CCR3: variants seen among roughly 807,000 people sequenced by gnomAD.
The protein encoded by CCR3 is C-C chemokine receptor type 3.
For synonymous variants in CCR3, 203 were observed against 179.2 expected, an observed-to-expected ratio of 1.13 and a Z score of -1.06; for missense variants, 419 against 437.5, an observed-to-expected ratio of 0.96 and a Z score of 0.38.
rs1043285757 is a variant in CCR3, at chr3:46,265,516, G to A, written c.358G>A (p.Glu120Lys). 2.5e-6 allele frequency: 4 copies of A among 1,614,002 alleles called. No individual in the cohort carries two copies. The highest frequency in any genetic ancestry group is 1.3e-5 in the African/African-American group (1 of 74,906). ...GTTTTATCACACAGGCTTGTACAGCGAGATCTTTTTCATAATCCTGCTGAC... is the reference window on the plus strand; with the variant it reads ...GTTTTATCACACAGGCTTGTACAGCAAGATCTTTTTCATAATCCTGCTGAC... ...SGFYHTGLYS[E>K]IFFIILLTID... Residue 120 changes from glutamate (E) to lysine (K), a missense_variant, in exon 2 of 2, where the codon GAG becomes AAG. Coordinates refer to ENST00000395940, the MANE Select transcript of CCR3 (RefSeq NM_178329.3).
chr3:46,212,883 A>T (rs1028911124), intron 2 of CCR3, among the ~76,000 whole-genome samples: 1 of 152,178 alleles, frequency 6.6e-6, no homozygotes, highest in Non-Finnish European at 1.5e-5. Context: ...TGAAAGACTG[A>T]CGTAGCACCT....
chr3:46,245,466 T>TA (rs572869147), intron 1 of CCR3, among the ~76,000 whole-genome samples: 14,230 of 141,140 alleles, frequency 0.1, 913 homozygotes, highest in Non-Finnish European at 0.15. Flanking sequence ...ACCCTTTAAT[T>TA]AAAAAAAAAA....
At position 46,266,261 on chromosome 3, in the gene CCR3, C is replaced by A. The variant is rs773365222; in HGVS notation, c.*35C>A. ...AGAAAATTGCCTAAAGAGGAAGGAC[C>A]AAGGAGATGAAGCAAACACATTAAG... On this transcript the variant is annotated 3_prime_UTR_variant, in exon 2 of 2. Coordinates refer to ENST00000395940, the MANE Select transcript of CCR3 (RefSeq NM_178329.3). The A allele has an allele frequency of 1.6e-5, 22 of 1,400,204 alleles. No homozygotes were observed. Among genetic ancestry groups the A allele is most frequent in the Middle Eastern group, 3.6e-4 (2 of 5,556 alleles). 86.7% of individuals were successfully genotyped at this position (1,400,204 alleles called of 1,614,324 possible).
At chr3:46,227,880 C>T (rs1699920221) in intron 2 of CCR3, among the ~76,000 whole-genome samples, 1 of 151,590 alleles carries the variant, frequency 6.6e-6, no homozygotes. Context: ...GGCTTGAGAA[C>T]ATACTTGGCA....
chr3:46,244,291 A>G (rs1700150458), intron 1 of CCR3, among the ~76,000 whole-genome samples: 1 of 152,222 alleles, frequency 6.6e-6, no homozygotes, highest in Non-Finnish European at 1.5e-5. Context: ...TTTTTAAGTA[A>G]TTTTTAGCCA....
In CCR3 at chr3:46,266,032, TC is replaced by T; in HGVS notation, c.877del (p.His293ThrfsTer4). ...GCTGGTGACAGAGGTGATCGCCTACTCCCACTGCTGCATGAACCCGGTGATC... is the reference window on the plus strand; with the variant it reads ...GCTGGTGACAGAGGTGATCGCCTACTCCACTGCTGCATGAACCCGGTGATC... ...VMLVTEVIAY[S>X]HCCMNPVIYA... On this transcript the variant is annotated frameshift_variant, in exon 2 of 2. Transcript: ENST00000395940. LOFTEE classifies it low-confidence loss of function (END_TRUNC). The T allele has an allele frequency of 6.2e-7, 1 of 1,614,064 alleles. No individual in the cohort carries two copies. The highest frequency in any genetic ancestry group is 1.1e-5 in the South Asian group (1 of 91,082).
upstream of CCR3, among the ~76,000 whole-genome samples, chr3:46,240,562 A>C (rs1490777518): frequency 1.3e-5 from 2 of 152,194 alleles, no homozygotes; most frequent in Non-Finnish European, 2.9e-5. Context: ...TAAACCCTGT[A>C]GAACTTGCAT....
chr3:46,257,259 C>G (rs554712751), intron 1 of CCR3, among the ~76,000 whole-genome samples: 2 of 152,056 alleles, frequency 1.3e-5, no homozygotes, highest in African/African-American at 4.8e-5. Context: ...TTTGGAGAGT[C>G]GTTGTTGTCT....
intron 1 of CCR3, among the ~76,000 whole-genome samples, chr3:46,251,026 T>C (rs957714028): frequency 2.6e-5 from 4 of 151,460 alleles, no homozygotes; most frequent in Non-Finnish European, 5.9e-5. Context: ...AAGTGGGACT[T>C]GCCACTAAGA....
intron 1 of CCR3, among the ~76,000 whole-genome samples, chr3:46,252,169 C>CTT (rs58623050): frequency 0.061 from 5,331 of 86,796 alleles, 302 homozygotes; most frequent in South Asian, 0.13. Flanking sequence ...TAGTTTCTGT[C>CTT]TTTTTTTTTT....
intron 2 of CCR3, among the ~76,000 whole-genome samples, chr3:46,231,814 T>C: frequency 6.6e-6 from 1 of 152,186 alleles, no homozygotes; most frequent in South Asian, 2.1e-4. Context: ...AAAGATCCAT[T>C]ATTCATCCAC....
intron 1 of CCR3, among the ~76,000 whole-genome samples, chr3:46,262,040 G>A (rs1700535247): frequency 6.6e-6 from 1 of 152,200 alleles, no homozygotes; most frequent in Admixed American, 6.5e-5. Flanking sequence ...ACAGGAGACA[G>A]GAACACCCCC....
chr3:46,261,951 G>A (rs913978486), intron 1 of CCR3, among the ~76,000 whole-genome samples: 10 of 152,136 alleles, frequency 6.6e-5, no homozygotes, highest in African/African-American at 2.4e-4. Flanking sequence ...AACCACCACA[G>A]CAGGTTCCAG....
chr3:46,249,035 G>A lies in CCR3; in HGVS notation c.-12+6497G>A, dbSNP rs181289907. On this transcript the variant is annotated intron_variant, in intron 1 of 1. Coordinates refer to ENST00000395940, the MANE Select transcript of CCR3 (RefSeq NM_178329.3). The stretch of plus-strand genomic sequence containing the variant: ...TAACAGGCTTTAATCCTTTTAAAGC[G>A]TGCTGTGGGATGGGATCTTGGCATT... Among the ~76,000 whole-genome samples, 46 of 152,280 alleles carry A rather than the reference G, an allele frequency of 3.0e-4. No individual in the cohort carries two copies. In the East Asian group the frequency reaches 5.0e-3, roughly 17 times the overall value.
At chr3:46,250,371 G>C (rs910078259) in intron 1 of CCR3, among the ~76,000 whole-genome samples, 4 of 152,042 alleles carry the variant, frequency 2.6e-5, no homozygotes, top group Non-Finnish European at 5.9e-5. Context: ...CTGTAGAAAA[G>C]GAAGATTAGA....
intron 2 of CCR3, among the ~76,000 whole-genome samples, chr3:46,215,138 A>G (rs1051689858): frequency 6.6e-6 from 1 of 152,180 alleles, no homozygotes; most frequent in Admixed American, 6.5e-5. Flanking sequence ...TAAGCTCCAG[A>G]CAGTCACATG....
chr3:46,245,884 G>GT (rs772788982), intron 1 of CCR3, among the ~76,000 whole-genome samples: 1 of 152,058 alleles, frequency 6.6e-6, no homozygotes, highest in Non-Finnish European at 1.5e-5. Context: ...GACACTATCT[G>GT]TTTTTTTATG....
intron 1 of CCR3, among the ~76,000 whole-genome samples, chr3:46,246,213 C>T (rs898126193): frequency 8.5e-5 from 13 of 152,168 alleles, no homozygotes; most frequent in South Asian, 2.1e-4. Context: ...AAGCATCTTT[C>T]ATTTGTCAGG....
intron 2 of CCR3, among the ~76,000 whole-genome samples, chr3:46,215,793 G>A (rs2125922634): frequency 6.6e-6 from 1 of 152,356 alleles, no homozygotes; most frequent in South Asian, 2.1e-4. Flanking sequence ...TGGTGCCACA[G>A]AGCAACCCAG....
Sources: allele counts gnomAD v4.1 joint callset (sites outside exome capture counted in the v4.1 genomes callset), GRCh38; gene constraint gnomAD v4.1.1; transcripts MANE v1.5; gene names NCBI Gene and HGNC (gene_info 2026-07-23, HGNC 2026-07-21).